ZAN: variants seen among roughly 807,000 people sequenced by gnomAD.
ZAN encodes the protein zonadhesin, also known as zonadhesin (gene/pseudogene).
A neutral mutation model predicts 286.2 loss-of-function variants in ZAN; 260 were observed. That is an observed-to-expected ratio of 0.91 (90% CI 0.82 to 1.01). The LOEUF (loss-of-function observed/expected upper bound fraction) is 1.01. Ranked by LOEUF, ZAN falls within the 50% of genes least tolerant of loss-of-function variation. ZAN has a pLI of 0.00. For missense variants in ZAN, 3,410 were observed against 3,639.2 expected, an observed-to-expected ratio of 0.94 and a Z score of 1.62; for synonymous variants, 1,368 against 1,417.5, an observed-to-expected ratio of 0.97 and a Z score of 0.79.
rs1355042858 is a variant in ZAN, at chr7:100,775,430, G to T, written c.5882G>T (p.Cys1961Phe). Residue 1961 changes from cysteine (C) to phenylalanine (F), a missense_variant, in exon 32 of 48, where the codon TGC becomes TTC. By Grantham distance (205) the Cys-to-Phe change is radical (BLOSUM62 -2). This residue lies in a region of ZAN where 1,289 missense variants were observed against 1,314.3 expected (regional missense o/e 0.98). Coordinates refer to ENST00000613979, the MANE Select transcript of ZAN (RefSeq NM_003386.3). Reference sequence around the variant, plus strand: ...TGCACTCTTGTCCTGGTGAAAGTGTGCCACCCCGCCATGGCCTTGCCCTTC... The same window carrying T: ...TGCACTCTTGTCCTGGTGAAAGTGTTCCACCCCGCCATGGCCTTGCCCTTC... ...DACTLVLVKV[C>F]HPAMALPFFK... 9.3e-6 allele frequency: 15 copies of T among 1,613,944 alleles called. No individual in the cohort carries two copies. Among genetic ancestry groups the T allele is most frequent in the Non-Finnish European group, 1.2e-5 (14 of 1,179,888 alleles).
At chr7:100,745,624 G>A (rs544293737) in intron 7 of ZAN, among the ~76,000 whole-genome samples, 24 of 152,234 alleles carry the variant, frequency 1.6e-4, no homozygotes, top group South Asian at 1.2e-3. Context: ...AGTGGCTCAA[G>A]CCTGTAATCC....
intron 11 of ZAN, among the ~76,000 whole-genome samples, chr7:100,749,198 C>T (rs1400832679): frequency 1.3e-5 from 2 of 151,694 alleles, no homozygotes; most frequent in Non-Finnish European, 2.9e-5. Flanking sequence ...AAAAATTAGC[C>T]GGGAGTGGTG....
chr7:100,739,394 A>G (rs551469293), intron 7 of ZAN, among the ~76,000 whole-genome samples: 2 of 139,000 alleles, frequency 1.4e-5, no homozygotes, highest in Admixed American at 1.4e-4. Context: ...ACACCAGTGC[A>G]GAAAACAGAC....
In ZAN at chr7:100,773,706, C is replaced by T. The variant is rs1369225861; in HGVS notation, c.5635-15C>T. 1 of 1,604,224 alleles carries T rather than the reference C, an allele frequency of 6.2e-7. No individual in the cohort carries two copies. The highest frequency in any genetic ancestry group is 8.5e-7 in the Non-Finnish European group (1 of 1,175,206). ...CCAACTTTCTGTTGGCTCAGCTGAT[C>T]CCTGTGGCCCACAGGTCGGGGAGCG... On this transcript the variant is annotated splice_polypyrimidine_tract_variant and intron_variant, in intron 30 of 47. Transcript: ENST00000613979.
Position 100,773,186 on chromosome 7 carries a change from G to A in ZAN, c.5426-99G>A, listed in dbSNP as rs183431019. ...CCCAAAGTGCTGGGATTACATGTGC[G>A]AGCTACCGCTCCTGGCCACTACTAG... On this transcript the variant is annotated intron_variant, in intron 29 of 47. Transcript: ENST00000613979. The A allele has an allele frequency of 2.5e-3, 3,367 of 1,355,228 alleles. 14 individuals carry two copies. Among genetic ancestry groups the A allele is most frequent in the Non-Finnish European group, 3.1e-3 (3,037 of 989,406 alleles). 84.0% of individuals were successfully genotyped at this position (1,355,228 alleles called of 1,614,324 possible).
intron 19 of ZAN, 58 bp downstream of exon 19, chr7:100,760,594 C>T (rs1809497137): frequency 6.3e-7 from 1 of 1,595,156 alleles, no homozygotes; most frequent in Admixed American, 1.7e-5. Context: ...CTTCCTGCTG[C>T]CTCTTCTTCC....
intron 45 of ZAN, 54 bp from the exon 46 acceptor site, chr7:100,797,312 C>T: frequency 6.4e-7 from 1 of 1,558,698 alleles, no homozygotes; most frequent in Non-Finnish European, 8.8e-7. Context: ...ACCCCTCAGT[C>T]CCCACCCTTC....
At position 100,773,402 on chromosome 7, in the gene ZAN, G is replaced by A. The variant is rs368503053; in HGVS notation, c.5543G>A (p.Cys1848Tyr). 8 of 1,614,038 alleles carry A rather than the reference G, an allele frequency of 5.0e-6. No individual in the cohort carries two copies. Among genetic ancestry groups the A allele is most frequent in the Non-Finnish European group, 5.9e-6 (7 of 1,179,896 alleles). ...CPKALPCAES[C>Y]ECQKGHILSG... Reference sequence around the variant, plus strand: ...AAAGCACTGCCCTGTGCTGAGAGCTGTGAATGTCAGAAAGGCCACATCTTG... The same window carrying A: ...AAAGCACTGCCCTGTGCTGAGAGCTATGAATGTCAGAAAGGCCACATCTTG... The change falls in exon 30 of 48, where the codon TGT becomes TAT. Residue 1848 changes from cysteine to tyrosine, a missense_variant. Transcript: ENST00000613979.
At chr7:100,783,805 C>CACAT (rs1418175571) in intron 35 of ZAN, among the ~76,000 whole-genome samples, 1 of 22,854 alleles carries the variant, frequency 4.4e-5, no homozygotes, top group African/African-American at 8.8e-5. Flanking sequence ...TATATACACA[C>CACAT]ATATATATAT....
Position 100,747,571 on chromosome 7 carries a change from T to A in ZAN, c.953T>A (p.Leu318His), listed in dbSNP as rs775189877. Residue 318 changes from leucine to histidine, a missense_variant, in exon 9 of 48, where the codon CTC becomes CAC. By Grantham distance (99) the Leu-to-His change is moderately conservative. Transcript: ENST00000613979. ...GCAGGGAGTATCCGGAAACACACTC[T>A]CTTCTCAGGACAACCTGGGCCCAAC... is the stretch of plus-strand genomic sequence containing the variant. ...SVLGSIRKHT[L>H]FSGQPGPNWQ... is the part of the protein sequence containing the mutation. The A allele has an allele frequency of 6.2e-7, 1 of 1,613,820 alleles. No homozygotes were observed. Among genetic ancestry groups the A allele is most frequent in the Non-Finnish European group, 8.5e-7 (1 of 1,179,828 alleles).
At position 100,776,547 on chromosome 7, in the gene ZAN, T is replaced by C; in HGVS notation, c.6300T>C (p.Asp2100=). 6.4e-7 allele frequency: 1 copy of C among 1,558,056 alleles called. No homozygotes were observed. The highest frequency in any genetic ancestry group is 8.7e-7 in the Non-Finnish European group (1 of 1,150,280). ...GTGAATTTGTGAACAGTTGGAAAGA[T>C]AAGGACATTGACCCAAGGTAGTGGT... is the stretch of plus-strand genomic sequence containing the variant. The part of the protein sequence containing the change: ...SDSEFVNSWK[D]KDIDPSCQSL... Residue 2100 remains aspartate, a synonymous_variant, in exon 34 of 48, where the codon GAT becomes GAC. Transcript: ENST00000613979.
rs562624669 is a variant in ZAN at position 100,752,297 on chromosome 7, C to G, written c.2192C>G (p.Ser731Cys). 3.3e-6 allele frequency: 5 copies of G among 1,534,262 alleles called. No homozygotes were observed. The highest frequency in any genetic ancestry group is 1.8e-6 in the Non-Finnish European group (2 of 1,135,052). ...TEKPTIPTEK[S>C]TISPEKPTTP... ...AAACCCACCATCCCCACAGAAAAATCCACCATCTCCCCAGAAAAACCCACC... is the reference window on the plus strand; with the variant it reads ...AAACCCACCATCCCCACAGAAAAATGCACCATCTCCCCAGAAAAACCCACC... The change falls in exon 14 of 48, where the codon TCC becomes TGC. Residue 731 changes from serine (S) to cysteine (C), a missense_variant. Coordinates refer to ENST00000613979, the MANE Select transcript of ZAN (RefSeq NM_003386.3).
rs1810517399 is a variant in ZAN at position 100,773,340 on chromosome 7, C to T, written c.5481C>T (p.Asp1827=). 4 of 1,613,890 alleles carry T rather than the reference C, an allele frequency of 2.5e-6. No individual in the cohort carries two copies. In the South Asian group the frequency reaches 4.4e-5, roughly 18 times the overall value. ...GCCCCTGCAGCAGCCCCTGCCCAGA[C>T]ACCTGCAGCAGCATAAACAACCCGA... The part of the protein sequence containing the change: ...SYSPCSSPCP[D]TCSSINNPRD... The change falls in exon 30 of 48, where the codon GAC becomes GAT. Residue 1827 remains aspartate, a synonymous_variant. Transcript: ENST00000613979.
At chr7:100,784,265 G>A (rs1229764710) in intron 35 of ZAN, among the ~76,000 whole-genome samples, 1 of 151,420 alleles carries the variant, frequency 6.6e-6, no homozygotes, top group Non-Finnish European at 1.5e-5. Context: ...GAGTAGCTGG[G>A]ACTACAGGCG....
In ZAN at chr7:100,753,086, C is replaced by T. The variant is rs1302284987; in HGVS notation, c.2981C>T (p.Thr994Ile). 6.2e-7 allele frequency: 1 copy of T among 1,613,906 alleles called. No individual in the cohort carries two copies. The highest frequency in any genetic ancestry group is 1.3e-5 in the African/African-American group (1 of 74,946). ...TIPTEKPTIP[T>I]EKLTALRPPH... ...CCCACAGAAAAACCCACCATTCCCA[C>T]AGAGAAGCTCACAGCCCTGAGGCCA... The change falls in exon 14 of 48, where the codon ACA becomes ATA. Residue 994 changes from threonine (T) to isoleucine (I), a missense_variant. Coordinates refer to ENST00000613979, the MANE Select transcript of ZAN (RefSeq NM_003386.3).
intron 27 of ZAN, among the ~76,000 whole-genome samples, 193 bp downstream of exon 27, chr7:100,768,914 G>A (rs1409437127): frequency 2.6e-5 from 4 of 152,218 alleles, no homozygotes; most frequent in South Asian, 2.1e-4. Context: ...GACTTCCCAC[G>A]CCCACGCCTG....
rs759223343 is a variant in ZAN, at chr7:100,752,238, C to T, written c.2133C>T (p.Thr711=). ...CTATCATCTCCACAGAAAAACCCAC[C>T]ATCTCCCCAGAAAAACCCACCATCC... ...EETIISTEKP[T]ISPEKPTIPT... The change falls in exon 14 of 48, where the codon ACC becomes ACT. Residue 711 remains threonine (T), a synonymous_variant. Transcript: ENST00000613979. 6.2e-7 allele frequency: 1 copy of T among 1,610,962 alleles called. No individual in the cohort carries two copies. The highest frequency in any genetic ancestry group is 2.2e-5 in the East Asian group (1 of 44,720).
chr7:100,779,421 T>A, intron 34 of ZAN, 25 bp from the exon 35 acceptor site: 1 of 1,588,838 alleles, frequency 6.3e-7, no homozygotes, highest in Non-Finnish European at 8.6e-7. Flanking sequence ...CGGCTGTCCC[T>A]AGGCTGATTC....
rs200718653 is a variant in ZAN at position 100,765,498 on chromosome 7, G to C, written c.4414G>C (p.Glu1472Gln). 1.5e-4 allele frequency: 248 copies of C among 1,612,502 alleles called. No individual in the cohort carries two copies. Among genetic ancestry groups the C allele is most frequent in the Non-Finnish European group, 2.1e-4 (243 of 1,179,350 alleles). ...CNPGFVLSGL[E>Q]CIPRSQCGCL... ...TCCGGGCTTCGTCCTCAGTGGCCTC[G>C]AGTGCATACCTCGCTCCCAGTGTGG... Residue 1472 changes from glutamate (E) to glutamine (Q), a missense_variant, in exon 23 of 48, where the codon GAG (glutamate) becomes CAG (glutamine). Transcript: ENST00000613979.
Sources: gnomAD v4.1 joint callset for allele counts (sites outside exome capture counted in the v4.1 genomes callset) on GRCh38, gnomAD v4.1.1 for gene constraint, gnomAD v4.1.1 regional missense constraint, MANE v1.5 for transcripts, NCBI Gene and HGNC (gene_info 2026-07-23, HGNC 2026-07-21) for gene names.